DLGAP2: variants seen among roughly 807,000 people sequenced by gnomAD.
DLGAP2 encodes DLG associated protein 2, also known as disks large-associated protein 2.
DLGAP2 carries 26 observed loss-of-function variants against 100.3 expected under a neutral mutation model. The ratio of observed to expected loss-of-function variants is 0.26; its 90% CI spans 0.19 to 0.36. The LOEUF is 0.36. Among genes scored for constraint, DLGAP2 ranks in the 10% least tolerant of loss-of-function variants. The probability of loss-of-function intolerance (pLI) is 1.00; values close to 1 mark genes in which losing one functional copy is unlikely to be tolerated. For missense variants in DLGAP2, 1,858 were observed against 1,453.2 expected (o/e 1.28, Z -4.53); for synonymous variants, 886 against 630.1 (o/e 1.41, Z -6.08).
At chr8:1,214,364 A>G (rs1798169053) in intron 2 of DLGAP2, among the ~76,000 whole-genome samples, 2 of 152,174 alleles carry the variant, frequency 1.3e-5, no homozygotes, top group East Asian at 3.9e-4. Context: ...GGTGCTTTCC[A>G]GGGGGAAGAG....
chr8:1,060,186 C>G (rs996361451), intron 2 of DLGAP2, among the ~76,000 whole-genome samples: 1 of 152,164 alleles, frequency 6.6e-6, no homozygotes, highest in Non-Finnish European at 1.5e-5. Context: ...TGGCCACCGT[C>G]ATGAAGACCA....
intron 4 of DLGAP2, among the ~76,000 whole-genome samples, chr8:1,505,855 A>G (rs564724908): frequency 5.3e-5 from 8 of 152,348 alleles, no homozygotes; most frequent in Admixed American, 3.9e-4. Flanking sequence ...TCAGCTGTAA[A>G]GAGTTGGTGA....
chr8:753,274 G>A (rs377370859), intron 1 of DLGAP2, among the ~76,000 whole-genome samples: 104 of 152,250 alleles, frequency 6.8e-4, no homozygotes, highest in African/African-American at 2.3e-3. Context: ...CTTTACAAAC[G>A]CGTCTTTGGA....
Position 1,592,280 on chromosome 8 carries a change from G to C in DLGAP2, c.1442+26386G>C, listed in dbSNP as rs77669087. Among the ~76,000 whole-genome samples, 8 of 152,288 alleles carry C rather than the reference G, an allele frequency of 5.3e-5. No individual in the cohort carries two copies. The East Asian group carries it at 1.5e-3, about 29-fold the overall frequency. On this transcript the variant is annotated intron_variant, in intron 6 of 14. Coordinates refer to ENST00000637795, the MANE Select transcript of DLGAP2 (RefSeq NM_001346810.2). The stretch of plus-strand genomic sequence containing the variant: ...ATCGGCTGTTTCTTATTAGTCTAAG[G>C]TTGATTATGTTCGATTATGTTCAGT...
intron 3 of DLGAP2, among the ~76,000 whole-genome samples, chr8:1,459,033 G>C (rs113389987): frequency 2.6e-3 from 388 of 150,276 alleles, no homozygotes; most frequent in African/African-American, 9.1e-3. Flanking sequence ...AGGAGTGACA[G>C]CCAGCTGGTT....
intron 1 of DLGAP2, among the ~76,000 whole-genome samples, chr8:795,764 G>GCAGGTGTCCAGTGAGAA: frequency 7.7e-6 from 1 of 129,724 alleles, no homozygotes; most frequent in African/African-American, 3.1e-5. Flanking sequence ...TCCAGTGAGA[G>GCAGGTGTCCAGTGAGAA]CAGGCGTCCA....
intron 2 of DLGAP2, among the ~76,000 whole-genome samples, chr8:1,164,212 C>CTGT (rs1563224263): frequency 2.1e-5 from 3 of 140,076 alleles, no homozygotes; most frequent in African/African-American, 8.6e-5. Context: ...CCCCCAGGGC[C>CTGT]CGTCATTTTG....
At chr8:753,064 A>G (rs952602272) in intron 1 of DLGAP2, among the ~76,000 whole-genome samples, 10 of 152,208 alleles carry the variant, frequency 6.6e-5, no homozygotes, top group African/African-American at 2.4e-4. Context: ...ATTTGGGGCA[A>G]GTGTTACCAT....
chr8:861,751 G>A (rs1309153183), intron 1 of DLGAP2, among the ~76,000 whole-genome samples: 2 of 152,204 alleles, frequency 1.3e-5, no homozygotes, highest in African/African-American at 2.4e-5. Flanking sequence ...GGACAGCAGC[G>A]TTGACGCGCA....
Position 1,587,995 on chromosome 8 carries a change from C to G in DLGAP2, c.1442+22101C>G, listed in dbSNP as rs139563470. Among the ~76,000 whole-genome samples, 446 of 152,234 alleles carry G rather than the reference C, an allele frequency of 2.9e-3. 4 individuals carry two copies. Among genetic ancestry groups the G allele is most frequent in the African/African-American group, 0.01 (418 of 41,536 alleles). ...TAACTGTGACACGTGCATTCCTGCC[C>G]CATAACCAAGGGCCTTACCTGAGTT... is the stretch of plus-strand genomic sequence containing the variant. On this transcript the variant is annotated intron_variant, in intron 6 of 14. Coordinates refer to ENST00000637795, the MANE Select transcript of DLGAP2 (RefSeq NM_001346810.2).
intron 1 of DLGAP2, among the ~76,000 whole-genome samples, chr8:906,889 T>C (rs1163750345): frequency 6.6e-6 from 1 of 152,252 alleles, no homozygotes; most frequent in Non-Finnish European, 1.5e-5. Context: ...AAATTGGTGA[T>C]ACTGTCTTGT....
intron 1 of DLGAP2, among the ~76,000 whole-genome samples, chr8:866,788 G>A (rs775206338): frequency 1.3e-5 from 2 of 152,152 alleles, no homozygotes; most frequent in Non-Finnish European, 2.9e-5. Context: ...CCCTTTCTAT[G>A]ACTCAGACTG....
chr8:1,353,673 C>T (rs1253455002), intron 3 of DLGAP2, among the ~76,000 whole-genome samples: 1 of 152,212 alleles, frequency 6.6e-6, no homozygotes, highest in South Asian at 2.1e-4. Context: ...CTTAGATTAG[C>T]AAGCTTTTAG....
chr8:846,435 A>T (rs1324684609), intron 1 of DLGAP2, among the ~76,000 whole-genome samples: 1 of 152,148 alleles, frequency 6.6e-6, no homozygotes, highest in African/African-American at 2.4e-5. Flanking sequence ...TATGTCCTTT[A>T]TATTCATCCA....
chr8:1,162,081 T>C (rs1436746707), intron 2 of DLGAP2, among the ~76,000 whole-genome samples: 1 of 152,178 alleles, frequency 6.6e-6, no homozygotes, highest in Non-Finnish European at 1.5e-5. Flanking sequence ...TTCCAGCTGA[T>C]TCTTATCTCA....
intron 6 of DLGAP2, among the ~76,000 whole-genome samples, chr8:1,607,688 G>A (rs1015370202): frequency 3.9e-5 from 6 of 152,084 alleles, no homozygotes; most frequent in African/African-American, 1.4e-4. Flanking sequence ...TGCGCGCACC[G>A]GGCGCGAGCC....
At chr8:1,460,669 T>G (rs527383720) in intron 3 of DLGAP2, among the ~76,000 whole-genome samples, 8 of 152,348 alleles carry the variant, frequency 5.3e-5, no homozygotes, top group Admixed American at 3.9e-4. Flanking sequence ...TTTTATATAT[T>G]AGATGGGGGT....
At chr8:1,214,777 A>G (rs1036294879) in intron 2 of DLGAP2, among the ~76,000 whole-genome samples, 13 of 152,190 alleles carry the variant, frequency 8.5e-5, no homozygotes, top group African/African-American at 2.4e-4. Context: ...AATATTTTCT[A>G]TTGTTACTAT....
intron 2 of DLGAP2, among the ~76,000 whole-genome samples, chr8:1,041,092 C>A (rs1802334190): frequency 6.6e-6 from 1 of 152,124 alleles, no homozygotes; most frequent in Non-Finnish European, 1.5e-5. Context: ...TCTCCTCTTT[C>A]CTAAGGGGAG....
Sources: gnomAD v4.1 joint callset for allele counts (sites outside exome capture counted in the v4.1 genomes callset) on GRCh38, gnomAD v4.1.1 for gene constraint, MANE v1.5 for transcripts, NCBI Gene and HGNC (gene_info 2026-07-23, HGNC 2026-07-21) for gene names.